Variants in COL5A2 observed in about 807,000 individuals in gnomAD.
The protein encoded by COL5A2 is collagen type V alpha 2 chain, also known as collagen alpha-2(V) chain.
A neutral mutation model predicts 208.2 loss-of-function variants in COL5A2; 23 were observed. The observed-to-expected ratio is 0.11, with a 90% CI of 0.08 to 0.16. The LOEUF is 0.16. Among genes scored for constraint, COL5A2 ranks in the 10% least tolerant of loss-of-function variants. COL5A2 has a pLI of 1.00. For synonymous variants in COL5A2, 625 were observed against 628.5 expected (o/e 0.99, Z 0.08); for missense variants, 1,590 against 1,956.4 (o/e 0.81, Z 3.53).
At position 189,031,903 on chromosome 2, in the gene COL5A2, T is replaced by C. The variant is rs1005792780; in HGVS notation, c.*2167A>G. On this transcript the variant is annotated 3_prime_UTR_variant, in exon 54 of 54. Transcript: ENST00000374866. ...GAAATTTGAGAGCTTTGGAATGGTCTGGGCAGGCTTTTATTGGTAGCATTC... is the reference window on the plus strand; with the variant it reads ...GAAATTTGAGAGCTTTGGAATGGTCCGGGCAGGCTTTTATTGGTAGCATTC... The C allele has an allele frequency of 1.3e-5, 2 of 152,120 alleles. No individual in the cohort carries two copies. The highest frequency in any genetic ancestry group is 1.3e-4 in the Admixed American group (2 of 15,252). 9.4% of individuals were successfully genotyped at this position (152,120 alleles called of 1,614,324 possible). A position where few individuals can be genotyped will look rare whatever the true frequency, so the allele number is the denominator to read the frequency against.
At chr2:189,199,190 A>G (rs1450912329) in intron 1 of COL5A2, among the ~76,000 whole-genome samples, 1 of 152,178 alleles carries the variant, frequency 6.6e-6, no homozygotes, top group African/African-American at 2.4e-5. Flanking sequence ...ATTGGTCAGT[A>G]TATGATCAAA....
chr2:189,105,996 C>A (rs1455928600), intron 2 of COL5A2, among the ~76,000 whole-genome samples: 1 of 151,306 alleles, frequency 6.6e-6, no homozygotes, highest in Non-Finnish European at 1.5e-5. Context: ...TTATTTTATT[C>A]ATGTATCTAC....
chr2:189,078,896 C>A (rs1686471936), intron 15 of COL5A2, among the ~76,000 whole-genome samples, 167 bp downstream of exon 15: 1 of 152,138 alleles, frequency 6.6e-6, no homozygotes. Flanking sequence ...GTTAGAAGGG[C>A]TCAACTCTCC....
intron 1 of COL5A2, among the ~76,000 whole-genome samples, chr2:189,151,729 C>T (rs1688146296): frequency 6.6e-6 from 1 of 152,118 alleles, no homozygotes; most frequent in Non-Finnish European, 1.5e-5. Context: ...ATTTTACTCT[C>T]TATAATTATT....
At chr2:189,286,432 T>A in the COL5A2 span, among the ~76,000 whole-genome samples, 1 of 152,156 alleles carries the variant, frequency 6.6e-6, no homozygotes, top group Non-Finnish European at 1.5e-5. Context: ...TATGAGTCAC[T>A]ACTAAGATAG....
the COL5A2 span, among the ~76,000 whole-genome samples, chr2:189,427,572 A>G: frequency 6.6e-6 from 1 of 152,160 alleles, no homozygotes; most frequent in Non-Finnish European, 1.5e-5. Flanking sequence ...AGCTTGGATC[A>G]TGCATCTGGA....
chr2:189,373,992 A>G, the COL5A2 span, among the ~76,000 whole-genome samples: 1 of 152,182 alleles, frequency 6.6e-6, no homozygotes, highest in Admixed American at 6.5e-5. Context: ...CTGTGAAAAC[A>G]CACAACATGA....
chr2:189,337,855 T>G, the COL5A2 span, among the ~76,000 whole-genome samples: 2 of 151,768 alleles, frequency 1.3e-5, no homozygotes, highest in Non-Finnish European at 2.9e-5. Flanking sequence ...GAAAGTTCCC[T>G]GCAACATTTT....
At chr2:189,411,756 T>C in the COL5A2 span, among the ~76,000 whole-genome samples, 1 of 152,132 alleles carries the variant, frequency 6.6e-6, no homozygotes, top group African/African-American at 2.4e-5. Context: ...AAAAAGCACA[T>C]GATTAGGGTG....
At chr2:189,382,007 T>TA in the COL5A2 span, among the ~76,000 whole-genome samples, 2 of 152,178 alleles carry the variant, frequency 1.3e-5, no homozygotes, top group African/African-American at 2.4e-5. Flanking sequence ...TGAAATTCAA[T>TA]AAAATAAAGA....
At chr2:189,390,044 T>G in the COL5A2 span, among the ~76,000 whole-genome samples, 1 of 152,092 alleles carries the variant, frequency 6.6e-6, no homozygotes, top group Non-Finnish European at 1.5e-5. Context: ...ACAAAATGAC[T>G]GAGCCCTAGA....
At chr2:189,369,920 A>C in the COL5A2 span, among the ~76,000 whole-genome samples, 6 of 152,304 alleles carry the variant, frequency 3.9e-5, no homozygotes, top group African/African-American at 1.2e-4. Context: ...CATAAACCTC[A>C]TGTGTCAAGA....
At chr2:189,207,567 C>T (rs139947365) in intron 1 of COL5A2, among the ~76,000 whole-genome samples, 1 of 152,302 alleles carries the variant, frequency 6.6e-6, no homozygotes, top group African/African-American at 2.4e-5. Context: ...AGGAAGTGTA[C>T]ATGCTAGCTA....
chr2:189,370,887 C>T, the COL5A2 span, among the ~76,000 whole-genome samples: 1 of 152,090 alleles, frequency 6.6e-6, no homozygotes, highest in Non-Finnish European at 1.5e-5. Context: ...CTAAGTCTGA[C>T]AGGATGTGAT....
At chr2:189,220,146 C>T (rs184464851) in intron 1 of COL5A2, among the ~76,000 whole-genome samples, 16 of 152,204 alleles carry the variant, frequency 1.1e-4, no homozygotes, top group Admixed American at 6.5e-5. Context: ...CAGCTGAGGC[C>T]CACCCTGAAG....
At chr2:189,267,490 T>C in the COL5A2 span, among the ~76,000 whole-genome samples, 1 of 152,072 alleles carries the variant, frequency 6.6e-6, no homozygotes, top group African/African-American at 2.4e-5. Context: ...TTTAAATAAT[T>C]GCCTAAGAAG....
At chr2:189,314,481 A>G in the COL5A2 span, among the ~76,000 whole-genome samples, 2 of 152,160 alleles carry the variant, frequency 1.3e-5, no homozygotes, top group African/African-American at 4.8e-5. Flanking sequence ...CCACATCAAA[A>G]AGTTAGAAAA....
chr2:189,307,148 C>T, the COL5A2 span, among the ~76,000 whole-genome samples: 1 of 152,114 alleles, frequency 6.6e-6, no homozygotes, highest in Non-Finnish European at 1.5e-5. Context: ...ATATATAACA[C>T]ATCTGAATTC....
chr2:189,405,487 C>T, the COL5A2 span, among the ~76,000 whole-genome samples: 1 of 152,146 alleles, frequency 6.6e-6, no homozygotes, highest in East Asian at 1.9e-4. Flanking sequence ...CACCTCGCCT[C>T]ACAAAATGCT....
Sources: gnomAD v4.1 joint callset for allele counts (sites outside exome capture counted in the v4.1 genomes callset) on GRCh38, gnomAD v4.1.1 for gene constraint, MANE v1.5 for transcripts, NCBI Gene and HGNC (gene_info 2026-07-23, HGNC 2026-07-21) for gene names.